The following LRP12 variants were observed in gnomAD, a reference collection of about 807,000 sequenced individuals.
LRP12 encodes LDL receptor related protein 12.
Under a neutral mutation model 66.0 loss-of-function variants are expected in LRP12, and 14 were observed. The ratio of observed to expected loss-of-function variants is 0.21; its 90% confidence interval spans 0.14 to 0.33. The LOEUF (loss-of-function observed/expected upper bound fraction) is 0.33. Among genes scored for constraint, LRP12 ranks in the 10% least tolerant of loss-of-function variants. The pLI, the probability that LRP12 is intolerant of heterozygous loss-of-function variation, is 1.00. For synonymous variants in LRP12, 357 were observed against 359.1 expected (o/e 0.99, Z 0.07); for missense variants, 889 against 1,053.4 (o/e 0.84, Z 2.16).
intron 1 of LRP12, among the ~76,000 whole-genome samples, chr8:104,557,657 G>T (rs748119644): frequency 7.9e-5 from 12 of 152,110 alleles, no homozygotes; most frequent in Non-Finnish European, 1.8e-4. Flanking sequence ...CATGCTCATG[G>T]ATAGGTATAA....
Position 104,491,449 on chromosome 8 carries a change from T to A in LRP12, c.1804A>T (p.Ile602Phe), listed in dbSNP as rs764462506. Reference sequence around the variant, plus strand: ...GCAAAATTAAAAATACGGTTCCAAATGTTGCTTGATCTGCCTGCCATAGGA... The same window carrying A: ...GCAAAATTAAAAATACGGTTCCAAAAGTTGCTTGATCTGCCTGCCATAGGA... ...RLPMAGRSSN[I>F]WNRIFNFARS... is the part of the protein sequence containing the mutation. The change falls in exon 7 of 7, where the codon ATT (isoleucine) becomes TTT (phenylalanine). Residue 602 changes from isoleucine to phenylalanine, a missense_variant. Coordinates refer to ENST00000276654, the MANE Select transcript of LRP12 (RefSeq NM_013437.5). 6.2e-7 allele frequency: 1 copy of A among 1,614,082 alleles called. No homozygotes were observed.
intron 1 of LRP12, among the ~76,000 whole-genome samples, chr8:104,547,971 GTATATAA>G: frequency 9.0e-6 from 1 of 111,586 alleles, no homozygotes; most frequent in South Asian, 2.6e-4. Context: ...GTTATATTTT[GTATATAA>G]TATATAATTG....
intron 3 of LRP12, among the ~76,000 whole-genome samples, chr8:104,501,261 ATCTCT>A (rs1810824097): frequency 6.6e-6 from 1 of 151,830 alleles, no homozygotes; most frequent in South Asian, 2.1e-4. Context: ...GACGGGTGTG[ATCTCT>A]TATTGTGGTT....
At chr8:104,508,786 A>T in intron 3 of LRP12, 153 bp downstream of exon 3, 1 of 619,810 alleles carries the variant, frequency 1.6e-6, no homozygotes, top group Non-Finnish European at 2.7e-6. Flanking sequence ...TGTTACTCTT[A>T]CTCTTAAGAT....
In LRP12 at chr8:104,497,028, G is replaced by C; in HGVS notation, c.1524C>G (p.Leu508=). ...VIGSLICGLL[L]VIALGCTCKL... is the part of the protein sequence containing the mutation. ...TACAAGTACATCCCAATGCTATGACGAGTAACAGGCCACAGATGAGGCTCC... is the reference window on the plus strand; with the variant it reads ...TACAAGTACATCCCAATGCTATGACCAGTAACAGGCCACAGATGAGGCTCC... The change falls in exon 5 of 7, where the codon CTC becomes CTG. Residue 508 remains leucine (L), a synonymous_variant. Transcript: ENST00000276654. This position sits in a 1 kb window ranked among gnomAD's most constrained non-coding sequence, Gnocchi z 4.3. 6.3e-7 allele frequency: 1 copy of C among 1,583,602 alleles called. No individual in the cohort carries two copies. Among genetic ancestry groups the C allele is most frequent in the Admixed American group, 1.8e-5 (1 of 54,918 alleles).
In LRP12 at chr8:104,582,003, T is replaced by C. The variant is rs140315449; in HGVS notation, c.79+6816A>G. On this transcript the variant is annotated intron_variant, in intron 1 of 6. Coordinates refer to ENST00000276654, the MANE Select transcript of LRP12 (RefSeq NM_013437.5). The stretch of plus-strand genomic sequence containing the variant: ...AAGATTATTCTTATGTTTTCTCCAA[T>C]ATATGTAAAAAGATGCCTTAACTAT... 5.0e-3 allele frequency among the ~76,000 whole-genome samples: 758 copies of C among 152,330 alleles called. 9 individuals carry two copies. The highest frequency in any genetic ancestry group is 0.017 in the African/African-American group (714 of 41,570).
rs2140823640 is a variant in LRP12, at chr8:104,490,273, A to C, written c.*400T>G. On this transcript the variant is annotated 3_prime_UTR_variant, in exon 7 of 7. Transcript: ENST00000276654. ...TTAACATCTAGTATATTAAGTTACA[A>C]GATGTGTTGGCAAAAGCATAAACGT... 1 of 159,246 alleles carries C rather than the reference A, an allele frequency of 6.3e-6. No individual in the cohort carries two copies. Among genetic ancestry groups the C allele is most frequent in the South Asian group, 1.9e-4 (1 of 5,304 alleles). The allele number at this position is 159,246 out of a possible 1,614,324, so 9.9% of individuals were successfully genotyped here.
chr8:104,491,576 A>G, intron 6 of LRP12, 37 bp from the exon 7 acceptor site: 1 of 1,412,604 alleles, frequency 7.1e-7, no homozygotes, highest in South Asian at 1.4e-5. Context: ...ATAGTTAACA[A>G]CAAGGTACTA....
chr8:104,497,030 G>A lies in LRP12; in HGVS notation c.1522C>T (p.Leu508Phe), dbSNP rs1204785819. 1.3e-6 allele frequency: 2 copies of A among 1,586,292 alleles called. No homozygotes were observed. The highest frequency in any genetic ancestry group is 1.2e-5 in the South Asian group (1 of 86,270). ...CAAGTACATCCCAATGCTATGACGA[G>A]TAACAGGCCACAGATGAGGCTCCCT... is the stretch of plus-strand genomic sequence containing the variant. ...VIGSLICGLL[L>F]VIALGCTCKL... Residue 508 changes from leucine (L) to phenylalanine (F), a missense_variant, in exon 5 of 7, where the codon CTC (leucine) becomes TTC (phenylalanine). This residue lies in a region of LRP12 where 800 missense variants were observed against 964.5 expected (regional missense o/e 0.83). Transcript: ENST00000276654. This position sits in a 1 kb window ranked among gnomAD's most constrained non-coding sequence, Gnocchi z 4.3.
intron 1 of LRP12, among the ~76,000 whole-genome samples, chr8:104,543,462 C>T (rs1198294504): frequency 6.6e-6 from 1 of 152,130 alleles, no homozygotes; most frequent in Non-Finnish European, 1.5e-5. Flanking sequence ...CTGACGAATA[C>T]TGTGTGTGTT....
chr8:104,562,241 G>A (rs574128959), intron 1 of LRP12, among the ~76,000 whole-genome samples: 9 of 152,190 alleles, frequency 5.9e-5, no homozygotes, highest in Admixed American at 3.9e-4. Context: ...TTAGAGCAAT[G>A]ACTACACATG....
chr8:104,509,078 G>A lies in LRP12; in HGVS notation c.137-4C>T. The A allele has an allele frequency of 6.2e-7, 1 of 1,611,058 alleles. No individual in the cohort carries two copies. Among genetic ancestry groups the A allele is most frequent in the Non-Finnish European group, 8.5e-7 (1 of 1,178,512 alleles). On this transcript the variant is annotated splice_region_variant and splice_polypyrimidine_tract_variant and intron_variant, in intron 2 of 6. Transcript: ENST00000276654. ...TGCTCTGGAGTCTCTCCACAAGCTG[G>A]AAGATAGCCAAAGCAATCTTTCCTT...
rs190409204 is a variant in LRP12 at position 104,518,984 on chromosome 8, T to C, written c.137-9910A>G. 6.0e-3 allele frequency among the ~76,000 whole-genome samples: 916 copies of C among 152,144 alleles called. 9 individuals are homozygous for C. Among genetic ancestry groups the C allele is most frequent in the Admixed American group, 0.012 (190 of 15,246 alleles). On this transcript the variant is annotated intron_variant, in intron 2 of 6. Transcript: ENST00000276654. ...AGAATACAAGGCAAGTGACCAACTG[T>C]TGGAATCTGCAAGAAAAATAAGTTA...
chr8:104,564,599 T>G (rs757392565), intron 1 of LRP12, among the ~76,000 whole-genome samples: 10 of 151,348 alleles, frequency 6.6e-5, no homozygotes, highest in Admixed American at 2.0e-4. Flanking sequence ...CAGCACCGCA[T>G]AGCTAACTAA....
At chr8:104,551,340 C>T (rs1588502573) in intron 1 of LRP12, among the ~76,000 whole-genome samples, 2 of 152,052 alleles carry the variant, frequency 1.3e-5, no homozygotes, top group Non-Finnish European at 2.9e-5. Context: ...TACCACAATC[C>T]TCATCATATT....
At chr8:104,513,397 C>T (rs12678866) in intron 2 of LRP12, among the ~76,000 whole-genome samples, 1 of 152,128 alleles carries the variant, frequency 6.6e-6, no homozygotes, top group African/African-American at 2.4e-5. Context: ...TATTTCAGCC[C>T]TCAATCATGC....
intron 3 of LRP12, among the ~76,000 whole-genome samples, chr8:104,499,845 C>A (rs888479706): frequency 6.6e-6 from 1 of 152,146 alleles, no homozygotes; most frequent in Admixed American, 6.6e-5. Flanking sequence ...CTCAGAACAT[C>A]CTAAACTGTT....
At position 104,491,510 on chromosome 8, in the gene LRP12, C is replaced by T. The variant is rs746760240; in HGVS notation, c.1743G>A (p.Ala581=). The T allele has an allele frequency of 9.9e-6, 16 of 1,611,644 alleles. No homozygotes were observed. The highest frequency in any genetic ancestry group is 7.7e-5 in the South Asian group (7 of 90,694). The change falls in exon 7 of 7, where the codon GCG becomes GCA. Residue 581 remains alanine (A), a synonymous_variant. Coordinates refer to ENST00000276654, the MANE Select transcript of LRP12 (RefSeq NM_013437.5). ...QASVLENLRL[A]VRSQLGFTSV... The stretch of plus-strand genomic sequence containing the variant: ...AAGTAAATCCAAGCTGAGATCGTAC[C>T]GCTAGCCTCAGATTTTCCAAAACAG...
chr8:104,503,956 C>G (rs1373131342), intron 3 of LRP12, among the ~76,000 whole-genome samples: 5 of 152,080 alleles, frequency 3.3e-5, no homozygotes, highest in African/African-American at 1.2e-4. Flanking sequence ...TAAACAGACA[C>G]CCTTTACCAG....
Sources: allele counts gnomAD v4.1 joint callset (sites outside exome capture counted in the v4.1 genomes callset), GRCh38; gene constraint gnomAD v4.1.1; regional missense constraint gnomAD v4.1.1; non-coding constraint Gnocchi (gnomAD v3.1); transcripts MANE v1.5; gene names NCBI Gene and HGNC (gene_info 2026-07-23, HGNC 2026-07-21).